PAN3: variants seen among roughly 807,000 people sequenced by gnomAD.
PAN3 encodes PAN2-PAN3 deadenylation complex subunit PAN3.
Under a neutral mutation model 96.2 loss-of-function variants are expected in PAN3, and 19 were observed. The observed-to-expected ratio is 0.20, with a 90% CI of 0.14 to 0.29. The LOEUF (loss-of-function observed/expected upper bound fraction) is 0.29, where lower values mean the gene tolerates loss of function less well. Ranked by LOEUF, PAN3 falls within the 10% of genes least tolerant of loss-of-function variation. The probability of loss-of-function intolerance (pLI) is 1.00; values close to 1 mark genes in which losing one functional copy is unlikely to be tolerated. For missense variants in PAN3, 882 were observed against 1,108.1 expected, an observed-to-expected ratio of 0.80 and a Z score of 2.90; for synonymous variants, 433 against 406.6, an observed-to-expected ratio of 1.06 and a Z score of -0.78.
At chr13:28,284,932 T>C (rs1447634287) in intron 17 of PAN3, among the ~76,000 whole-genome samples, 1 of 152,210 alleles carries the variant, frequency 6.6e-6, no homozygotes, top group Non-Finnish European at 1.5e-5. Flanking sequence ...GTTTAAACTC[T>C]GGGAACATTT....
chr13:28,165,895 T>A (rs1173626535), intron 1 of PAN3, among the ~76,000 whole-genome samples: 1 of 146,984 alleles, frequency 6.8e-6, no homozygotes. Context: ...ATTAGCATCA[T>A]GGCATGGTCC....
At chr13:28,204,012 A>G (rs925350117) in intron 5 of PAN3, among the ~76,000 whole-genome samples, 2 of 151,966 alleles carry the variant, frequency 1.3e-5, no homozygotes, top group Admixed American at 6.6e-5. Context: ...CGTGTTGGCC[A>G]GGATGGTCTT....
chr13:28,230,324 A>G (rs373138061), intron 6 of PAN3, among the ~76,000 whole-genome samples: 8 of 152,090 alleles, frequency 5.3e-5, no homozygotes, highest in East Asian at 1.9e-4. Context: ...ATTAGTTACT[A>G]TAACTTTTAG....
At chr13:28,208,982 C>G (rs1879706918) in intron 5 of PAN3, among the ~76,000 whole-genome samples, 1 of 152,132 alleles carries the variant, frequency 6.6e-6, no homozygotes, top group Non-Finnish European at 1.5e-5. Flanking sequence ...CAACAACCTC[C>G]TCACCACCCG....
chr13:28,234,154 A>T (rs1488169439), intron 6 of PAN3, among the ~76,000 whole-genome samples: 1 of 152,184 alleles, frequency 6.6e-6, no homozygotes, highest in African/African-American at 2.4e-5. Context: ...AGTCAGGGAG[A>T]ACAGGCTTCC....
chr13:28,268,073 G>A (rs963964055), intron 12 of PAN3, among the ~76,000 whole-genome samples: 3 of 152,088 alleles, frequency 2.0e-5, no homozygotes, highest in South Asian at 2.1e-4. Flanking sequence ...TTAAAAATAT[G>A]ATGCTTTCTT....
At chr13:28,207,478 G>T (rs896848316) in intron 5 of PAN3, among the ~76,000 whole-genome samples, 31 of 152,158 alleles carry the variant, frequency 2.0e-4, no homozygotes, top group Non-Finnish European at 1.9e-4. Flanking sequence ...CATCCAAGCT[G>T]CTCCTTGCTC....
At chr13:28,184,500 C>T (rs1300685019) in intron 4 of PAN3, among the ~76,000 whole-genome samples, 3 of 151,968 alleles carry the variant, frequency 2.0e-5, no homozygotes, top group South Asian at 2.1e-4. Flanking sequence ...GATAAAACAT[C>T]GTTTAACCTT....
intron 4 of PAN3, among the ~76,000 whole-genome samples, chr13:28,179,643 G>A (rs1593419764): frequency 6.6e-6 from 1 of 151,466 alleles, no homozygotes; most frequent in African/African-American, 2.4e-5. Flanking sequence ...GGTTGAGGCT[G>A]CAGTGAGCCA....
chr13:28,146,300 GTC>G (rs71086834), intron 1 of PAN3, among the ~76,000 whole-genome samples: 8,108 of 142,696 alleles, frequency 0.057, 628 homozygotes, highest in African/African-American at 0.18. Context: ...CTCTTTCTCT[GTC>G]TCTCTCTCTC....
chr13:28,286,454 T>C (rs1047651325), intron 17 of PAN3, among the ~76,000 whole-genome samples: 1 of 152,170 alleles, frequency 6.6e-6, no homozygotes, highest in Admixed American at 6.5e-5. Flanking sequence ...CTTTTCTCAG[T>C]TCTCCTGTTT....
chr13:28,284,404 T>C (rs1360060996), intron 17 of PAN3, among the ~76,000 whole-genome samples: 1 of 150,936 alleles, frequency 6.6e-6, no homozygotes, highest in African/African-American at 2.5e-5. Context: ...TTTTGACTGC[T>C]CATTCCCCAC....
chr13:28,268,596 A>C (rs145176433), intron 12 of PAN3, among the ~76,000 whole-genome samples: 1 of 152,168 alleles, frequency 6.6e-6, no homozygotes. Context: ...TGAGATGTCT[A>C]TTCATTAATT....
At chr13:28,153,286 A>T (rs1231002288) in intron 1 of PAN3, among the ~76,000 whole-genome samples, 2 of 122,562 alleles carry the variant, frequency 1.6e-5, no homozygotes, top group Non-Finnish European at 1.6e-5. Flanking sequence ...GCCAGCCTGG[A>T]GTGCAATGGC....
chr13:28,250,360 T>TTTTAA (rs1159333487), intron 6 of PAN3, among the ~76,000 whole-genome samples: 1 of 152,134 alleles, frequency 6.6e-6, no homozygotes, highest in African/African-American at 2.4e-5. Context: ...GTCTGGTTTA[T>TTTTAA]TTTAATTTAA....
intron 5 of PAN3, among the ~76,000 whole-genome samples, chr13:28,209,361 C>T (rs563433589): frequency 6.6e-6 from 1 of 152,342 alleles, no homozygotes; most frequent in East Asian, 1.9e-4. Flanking sequence ...CACCTGCGTG[C>T]ATACGCATTC....
intron 4 of PAN3, among the ~76,000 whole-genome samples, chr13:28,186,473 T>C (rs1351941928): frequency 6.6e-6 from 1 of 152,218 alleles, no homozygotes; most frequent in African/African-American, 2.4e-5. Context: ...TTAATGGATA[T>C]AGTGTTTATA....
chr13:28,190,594 A>G (rs1313848971), intron 4 of PAN3, among the ~76,000 whole-genome samples: 2 of 152,142 alleles, frequency 1.3e-5, no homozygotes, highest in East Asian at 1.9e-4. Context: ...AAAGGGGTGT[A>G]TTAGTCCATT....
chr13:28,232,377 T>TA (rs1882664573), intron 6 of PAN3: 2 of 152,104 alleles, frequency 1.3e-5, no homozygotes, highest in African/African-American at 2.4e-5. Context: ...TATCACATCC[T>TA]AAAAAACTGT....
Sources: allele counts gnomAD v4.1 joint callset (sites outside exome capture counted in the v4.1 genomes callset), GRCh38; gene constraint gnomAD v4.1.1; transcripts MANE v1.5; gene names NCBI Gene and HGNC (gene_info 2026-07-23, HGNC 2026-07-21).